The following EBF1 variants were observed in gnomAD, a reference collection of about 807,000 sequenced individuals.
EBF1 encodes EBF transcription factor 1.
In EBF1, 10 loss-of-function variants were observed where a neutral mutation model predicts 68.4. The observed-to-expected ratio is 0.15, with a 90% CI of 0.09 to 0.25. The LOEUF (loss-of-function observed/expected upper bound fraction) is 0.25, where lower values mean the gene tolerates loss of function less well. Ranked by LOEUF, EBF1 falls within the 10% of genes least tolerant of loss-of-function variation. The pLI, the probability that EBF1 is intolerant of heterozygous loss-of-function variation, is 1.00. For synonymous variants in EBF1, 298 were observed against 299.8 expected, an observed-to-expected ratio of 0.99 and a Z score of 0.06; for missense variants, 509 against 794.4, an observed-to-expected ratio of 0.64 and a Z score of 4.32.
At chr5:158,945,845 C>G (rs1210259734) in intron 6 of EBF1, among the ~76,000 whole-genome samples, 1 of 152,168 alleles carries the variant, frequency 6.6e-6, no homozygotes, top group African/African-American at 2.4e-5. Context: ...GGTCTTTTCA[C>G]ATAGTCTCAT....
chr5:159,034,406 A>AT (rs1332539083), intron 6 of EBF1, among the ~76,000 whole-genome samples: 2 of 152,240 alleles, frequency 1.3e-5, no homozygotes, highest in Admixed American at 6.5e-5. Context: ...TCCATGATAT[A>AT]TTTTTTGTGT....
chr5:159,064,899 C>CTTTTTTTT (rs57256923), intron 6 of EBF1, among the ~76,000 whole-genome samples: 103 of 67,906 alleles, frequency 1.5e-3, no homozygotes, highest in East Asian at 2.1e-3. Context: ...CTCTTTTCAT[C>CTTTTTTTT]TTTTTTTTTT....
At chr5:158,992,094 T>G (rs1047118438) in intron 6 of EBF1, among the ~76,000 whole-genome samples, 6 of 152,168 alleles carry the variant, frequency 3.9e-5, no homozygotes, top group Non-Finnish European at 8.8e-5. Flanking sequence ...AAAATCTTTT[T>G]GTTAATGGTA....
At chr5:158,771,371 C>T (rs1201151637) in intron 10 of EBF1, among the ~76,000 whole-genome samples, 1 of 151,956 alleles carries the variant, frequency 6.6e-6, no homozygotes, top group African/African-American at 2.4e-5. Flanking sequence ...AAGCCAAATC[C>T]CATTTTTTCA....
At chr5:159,017,604 T>C (rs1290483991) in intron 6 of EBF1, among the ~76,000 whole-genome samples, 1 of 152,216 alleles carries the variant, frequency 6.6e-6, no homozygotes, top group Admixed American at 6.5e-5. Flanking sequence ...TTGTTTAATG[T>C]GATAAATTTT....
At chr5:158,937,851 C>T (rs1024589011) in intron 6 of EBF1, among the ~76,000 whole-genome samples, 2 of 152,248 alleles carry the variant, frequency 1.3e-5, no homozygotes, top group East Asian at 1.9e-4. Flanking sequence ...CACCCACTGG[C>T]GAGAGCCTGA....
At chr5:159,041,066 C>A (rs1771100101) in intron 6 of EBF1, among the ~76,000 whole-genome samples, 1 of 152,128 alleles carries the variant, frequency 6.6e-6, no homozygotes, top group African/African-American at 2.4e-5. Context: ...AGAGGCAAAC[C>A]CTTGGCAGAC....
chr5:159,092,833 G>A (rs1002293302), intron 4 of EBF1, among the ~76,000 whole-genome samples: 1 of 152,088 alleles, frequency 6.6e-6, no homozygotes, highest in Non-Finnish European at 1.5e-5. Flanking sequence ...CAGACCAGAA[G>A]TGTTTCATTC....
chr5:158,883,038 C>A (rs1799187701), intron 6 of EBF1, among the ~76,000 whole-genome samples: 1 of 152,094 alleles, frequency 6.6e-6, no homozygotes, highest in Non-Finnish European at 1.5e-5. Flanking sequence ...AGGAGACAAT[C>A]CCCAAGCCCA....
chr5:158,794,556 G>A (rs146125072), intron 9 of EBF1, among the ~76,000 whole-genome samples: 55 of 152,266 alleles, frequency 3.6e-4, no homozygotes, highest in African/African-American at 1.2e-3. Context: ...AGGTTTTACA[G>A]GAAGCTTCAG....
intron 6 of EBF1, among the ~76,000 whole-genome samples, chr5:158,954,663 G>A (rs1816695275): frequency 6.6e-6 from 1 of 152,316 alleles, no homozygotes; most frequent in African/African-American, 2.4e-5. Flanking sequence ...TGTTACCAAT[G>A]CGGTCAGTAG....
chr5:158,970,621 G>A (rs915413589), intron 6 of EBF1, among the ~76,000 whole-genome samples: 3 of 152,120 alleles, frequency 2.0e-5, no homozygotes, highest in Admixed American at 1.3e-4. Context: ...TAATGGCTGC[G>A]GTCAGCGATT....
chr5:158,767,117 C>T (rs147380760), intron 10 of EBF1, among the ~76,000 whole-genome samples: 96 of 152,184 alleles, frequency 6.3e-4, no homozygotes, highest in Admixed American at 1.7e-3. Context: ...AGTTCATGTC[C>T]CTTAATAACC....
At chr5:158,787,560 T>C (rs1777705032) in intron 9 of EBF1, among the ~76,000 whole-genome samples, 2 of 152,202 alleles carry the variant, frequency 1.3e-5, no homozygotes, top group Non-Finnish European at 2.9e-5. Flanking sequence ...TGAATTTTAT[T>C]ACATTCATAT....
intron 9 of EBF1, among the ~76,000 whole-genome samples, chr5:158,786,973 C>T (rs1240132017): frequency 1.3e-5 from 2 of 152,164 alleles, no homozygotes; most frequent in African/African-American, 4.8e-5. Flanking sequence ...CTCACTCTAA[C>T]ATTTTTTGTG....
intron 15 of EBF1, among the ~76,000 whole-genome samples, chr5:158,702,294 G>T (rs1756920324): frequency 6.6e-6 from 1 of 152,046 alleles, no homozygotes; most frequent in Admixed American, 6.5e-5. Flanking sequence ...TGGGTGTCTG[G>T]AGCTTGGAAT....
At chr5:158,906,742 C>A (rs768870199) in intron 6 of EBF1, among the ~76,000 whole-genome samples, 8 of 152,156 alleles carry the variant, frequency 5.3e-5, no homozygotes, top group Non-Finnish European at 1.2e-4. Flanking sequence ...GGGTTTATAC[C>A]ACAGAACAAT....
At chr5:158,733,429 T>C (rs1764520897) in intron 10 of EBF1, among the ~76,000 whole-genome samples, 1 of 152,182 alleles carries the variant, frequency 6.6e-6, no homozygotes, top group Non-Finnish European at 1.5e-5. Context: ...TGAATGACTG[T>C]CTGATGTATG....
At chr5:158,730,591 T>C (rs1405321613) in intron 11 of EBF1, among the ~76,000 whole-genome samples, 1 of 152,232 alleles carries the variant, frequency 6.6e-6, no homozygotes, top group Non-Finnish European at 1.5e-5. Flanking sequence ...CCAAAACATT[T>C]TGAGCTCTAA....
Sources: gnomAD v4.1 joint callset for allele counts (sites outside exome capture counted in the v4.1 genomes callset) on GRCh38, gnomAD v4.1.1 for gene constraint, MANE v1.5 for transcripts, NCBI Gene and HGNC (gene_info 2026-07-23, HGNC 2026-07-21) for gene names.